The following CCNQ variants were observed in gnomAD, a reference collection of about 807,000 sequenced individuals.
CCNQ encodes cyclin-Q.
In CCNQ, 3 loss-of-function variants were observed where a neutral mutation model predicts 17.7. The ratio of observed to expected loss-of-function variants is 0.17; its 90% CI spans 0.08 to 0.44. The LOEUF (loss-of-function observed/expected upper bound fraction) is 0.44, where lower values mean the gene tolerates loss of function less well. Ranked by LOEUF, CCNQ falls within the 20% of genes least tolerant of loss-of-function variation. The pLI is 0.99. For synonymous variants in CCNQ, 73 were observed against 96.0 expected, an observed-to-expected ratio of 0.76 and a Z score of 1.40; for missense variants, 146 against 222.6, an observed-to-expected ratio of 0.66 and a Z score of 2.19.
At chrX:153,590,540 G>A (rs782785622) in intron 4 of CCNQ, among the ~76,000 whole-genome samples, 17 of 111,550 alleles carry the variant, frequency 1.5e-4, no homozygotes, top group Admixed American at 2.9e-4. Context: ...GGTTGAACGG[G>A]GCCAGAGCTT....
chrX:153,593,195 C>G (rs999872742), intron 3 of CCNQ, among the ~76,000 whole-genome samples: 1 of 112,896 alleles, frequency 8.9e-6, no homozygotes, highest in African/African-American at 3.2e-5. Context: ...AAATGACCTC[C>G]CAGCCCAGCT....
chrX:153,595,936 C>G, intron 2 of CCNQ, 68 bp downstream of exon 2: 1 of 1,159,205 alleles, frequency 8.6e-7, no homozygotes, highest in African/African-American at 1.8e-5. Context: ...GGGCAGGGCC[C>G]CATAGGAGCC....
rs782620309 is a variant in CCNQ, at chrX:153,592,748, G to A, written c.430-15C>T. ...TGGAGCAGGTACTGCAAAGACACGT[G>A]TGTCAGCCTTTAGGCCCACCAGCTG... On this transcript the variant is annotated splice_polypyrimidine_tract_variant and intron_variant, in intron 3 of 4. Transcript: ENST00000576892. 12 of 1,190,070 alleles carry A rather than the reference G, an allele frequency of 1.0e-5. No individual in the cohort carries two copies. The highest frequency in any genetic ancestry group is 3.5e-5 in the African/African-American group (2 of 57,165).
intron 4 of CCNQ, among the ~76,000 whole-genome samples, chrX:153,591,668 C>T (rs1380996306): frequency 3.6e-5 from 4 of 110,855 alleles, no homozygotes; most frequent in Non-Finnish European, 7.6e-5. Flanking sequence ...GCAGCCCGAG[C>T]GTGGGGCAAC....
At chrX:153,590,898 G>A (rs180998285) in intron 4 of CCNQ, among the ~76,000 whole-genome samples, 24 of 111,746 alleles carry the variant, frequency 2.1e-4, no homozygotes, top group African/African-American at 6.8e-4. Context: ...GAGGGCACTC[G>A]GTGTGGCTCT....
In CCNQ at chrX:153,598,834, C is replaced by T. The variant is rs1364952830; in HGVS notation, c.112+128G>A. 3 of 420,129 alleles carry T rather than the reference C, an allele frequency of 7.1e-6. No homozygotes were observed. In the African/African-American group the frequency reaches 8.0e-5, roughly 11 times the overall value. The allele number at this position is 420,129 out of a possible 1,213,427, so 34.6% of individuals were successfully genotyped here. A position where few individuals can be genotyped will look rare whatever the true frequency, so the allele number is the denominator to read the frequency against. Reference sequence around the variant, plus strand: ...GGCGCGGCGCAAAGGCGGAGGTCCTCAGCCCCGAGCAGGGCTTCCCGGCCT... The same window carrying T: ...GGCGCGGCGCAAAGGCGGAGGTCCTTAGCCCCGAGCAGGGCTTCCCGGCCT... On this transcript the variant is annotated intron_variant, in intron 1 of 4. Transcript: ENST00000576892.
Position 153,598,949 on chromosome X carries a change from C to T in CCNQ, c.112+13G>A, listed in dbSNP as rs2091047162. Reference sequence around the variant, plus strand: ...CGGCGCCGCCTGTCCTGGCCTCCCCCGGCCGCGGTTACCTGCCTCCATGAT... The same window carrying T: ...CGGCGCCGCCTGTCCTGGCCTCCCCTGGCCGCGGTTACCTGCCTCCATGAT... On this transcript the variant is annotated intron_variant, in intron 1 of 4. Transcript: ENST00000576892. 6 of 1,117,469 alleles carry T rather than the reference C, an allele frequency of 5.4e-6. No homozygotes were observed. The highest frequency in any genetic ancestry group is 4.7e-6 in the Non-Finnish European group (4 of 846,455). The allele number at this position is 1,117,469 out of a possible 1,213,427, so 92.1% of individuals were successfully genotyped here. A position where few individuals can be genotyped will look rare whatever the true frequency, so the allele number is the denominator to read the frequency against.
At chrX:153,594,471 G>T in intron 3 of CCNQ, 76 bp downstream of exon 3, 1 of 1,128,383 alleles carries the variant, frequency 8.9e-7, no homozygotes, top group Non-Finnish European at 1.2e-6. Context: ...GTATGAGATG[G>T]GATGCACTTT....
In CCNQ at chrX:153,588,374, C is replaced by T. The variant is rs782363416; in HGVS notation, c.738G>A (p.Glu246=). The change falls in exon 5 of 5, where the codon GAG becomes GAA. Residue 246 remains glutamate, a synonymous_variant. Coordinates refer to ENST00000576892, the MANE Select transcript of CCNQ (RefSeq NM_152274.5). The part of the protein sequence containing the change: ...DLIQIYTMDT[E]IP Reference sequence around the variant, plus strand: ...GGCCTGGGCCAGGACCTTAGGGGATCTCTGTGTCCATGGTATAAATCTGAA... The same window carrying T: ...GGCCTGGGCCAGGACCTTAGGGGATTTCTGTGTCCATGGTATAAATCTGAA... 3.7e-5 allele frequency: 45 copies of T among 1,207,007 alleles called. No homozygotes were observed. Among genetic ancestry groups the T allele is most frequent in the Admixed American group, 6.5e-5 (3 of 46,019 alleles).
chrX:153,599,057 C>G lies in CCNQ; in HGVS notation c.17G>C (p.Gly6Ala). The G allele has an allele frequency of 1.9e-6, 2 of 1,057,011 alleles. No homozygotes were observed. Among genetic ancestry groups the G allele is most frequent in the Non-Finnish European group, 2.4e-6 (2 of 819,387 alleles). 87.1% of individuals were successfully genotyped at this position (1,057,011 alleles called of 1,213,427 possible). Reference sequence around the variant, plus strand: ...CCGCGCTGCAGGCCCCCCTCCGCCGCCCTCCGGGGCTTCCATGAGGCGCCG... The same window carrying G: ...CCGCGCTGCAGGCCCCCCTCCGCCGGCCTCCGGGGCTTCCATGAGGCGCCG... The part of the protein sequence containing the change: MEAPE[G>A]GGGGPAARGP... Residue 6 changes from glycine (G) to alanine (A), a missense_variant, in exon 1 of 5, where the codon GGC becomes GCC. Physicochemically the swap from Gly to Ala is moderately conservative, Grantham distance 60. Coordinates refer to ENST00000576892, the MANE Select transcript of CCNQ (RefSeq NM_152274.5).
At chrX:153,591,789 G>A (rs1001551198) in intron 4 of CCNQ, among the ~76,000 whole-genome samples, 11 of 109,814 alleles carry the variant, frequency 1.0e-4, no homozygotes, top group African/African-American at 3.3e-4. Context: ...ATGAGCACCC[G>A]CTTTGGTGCC....
At chrX:153,594,986 G>A (rs1228675152) in intron 2 of CCNQ, among the ~76,000 whole-genome samples, 4 of 112,861 alleles carry the variant, frequency 3.5e-5, no homozygotes, top group Non-Finnish European at 5.6e-5. Flanking sequence ...CAGAGGAACC[G>A]GAAGCTTGAG....
At chrX:153,591,992 G>A (rs1174056019) in intron 4 of CCNQ, among the ~76,000 whole-genome samples, 3 of 110,683 alleles carry the variant, frequency 2.7e-5, no homozygotes, top group Non-Finnish European at 5.7e-5. Context: ...GCTGTCCTAT[G>A]CACAGGCCTA....
rs782789402 is a variant in CCNQ at position 153,592,629 on chromosome X, G to A, written c.534C>T (p.Tyr178=). ...VTAWALLRDS[Y]HGALCLRFQA... ...GGAAGCGGAGGCACAGCGCCCCATG[G>A]TAGCTGTCCCGCAGCAGGGCCCAGG... Residue 178 remains tyrosine (Y), a synonymous_variant, in exon 4 of 5, where the codon TAC becomes TAT. Transcript: ENST00000576892. 2.8e-5 allele frequency: 34 copies of A among 1,210,266 alleles called. No homozygotes were observed. Among genetic ancestry groups the A allele is most frequent in the South Asian group, 3.5e-5 (2 of 56,702 alleles).
chrX:153,590,231 TAAAA>T (rs59053078), intron 4 of CCNQ, among the ~76,000 whole-genome samples: 239 of 26,439 alleles, frequency 9.0e-3, no homozygotes, highest in Middle Eastern at 0.048. Flanking sequence ...CTGTCTCTAT[TAAAA>T]AAAAAAAAAA....
In CCNQ at chrX:153,599,108, C is replaced by T. The variant is rs1322534282; in HGVS notation, c.-35G>A. 2 of 810,891 alleles carry T rather than the reference C, an allele frequency of 2.5e-6. No individual in the cohort carries two copies. Among genetic ancestry groups the T allele is most frequent in the African/African-American group, 2.2e-5 (1 of 44,560 alleles). The allele number at this position is 810,891 out of a possible 1,213,427, so 66.8% of individuals were successfully genotyped here. On this transcript the variant is annotated 5_prime_UTR_variant, in exon 1 of 5. Transcript: ENST00000576892. The stretch of plus-strand genomic sequence containing the variant: ...CGGCACCGGCGGAAGGAGAGGCGGC[C>T]CCGGCGCGCAGAAGCCGGCAGAACT...
At chrX:153,592,774 C>T (rs781999435) in intron 3 of CCNQ, 41 bp from the exon 4 acceptor site, 1 of 1,107,504 alleles carries the variant, frequency 9.0e-7, no homozygotes, top group South Asian at 1.9e-5. Context: ...CCACCAGCTG[C>T]TCTCCTCATG....
intron 4 of CCNQ, 61 bp downstream of exon 4, chrX:153,592,445 G>A: frequency 1.9e-6 from 2 of 1,078,442 alleles, no homozygotes; most frequent in Non-Finnish European, 2.6e-6. Flanking sequence ...GGTGAGCACT[G>A]CAATACAGAG....
rs368748070 is a variant in CCNQ, at chrX:153,588,209, G to A, written c.*156C>T. ...CGCGACTTCTAGGGACTGGCAAAGC[G>A]GCAGCATGCCATTGCCTTCTCCAGC... On this transcript the variant is annotated 3_prime_UTR_variant, in exon 5 of 5. Transcript: ENST00000576892. 167 of 568,361 alleles carry A rather than the reference G, an allele frequency of 2.9e-4. No homozygotes were observed. The African/African-American group carries it at 3.3e-3, about 11-fold the overall frequency. 46.8% of individuals were successfully genotyped at this position (568,361 alleles called of 1,213,427 possible).
Sources: allele counts gnomAD v4.1 joint callset (sites outside exome capture counted in the v4.1 genomes callset), GRCh38; gene constraint gnomAD v4.1.1; transcripts MANE v1.5; gene names NCBI Gene and HGNC (gene_info 2026-07-23, HGNC 2026-07-21).